Variants in IFT80 observed in about 807,000 individuals in gnomAD.
IFT80 encodes the protein intraflagellar transport 80.
In IFT80, 79 loss-of-function variants were observed where a neutral mutation model predicts 107.9. The observed-to-expected ratio is 0.73, with a 90% CI of 0.61 to 0.88. IFT80 has a LOEUF of 0.88. Ranked by LOEUF, IFT80 falls within the 40% of genes least tolerant of loss-of-function variation. The probability of loss-of-function intolerance (pLI) is 0.00; values close to 1 mark genes in which losing one functional copy is unlikely to be tolerated. For synonymous variants in IFT80, 299 were observed against 300.9 expected (o/e 0.99, Z 0.07); for missense variants, 797 against 914.2 (o/e 0.87, Z 1.65).
chr3:160,306,349 G>A (rs984087284), intron 10 of IFT80, among the ~76,000 whole-genome samples: 9 of 152,114 alleles, frequency 5.9e-5, no homozygotes, highest in Non-Finnish European at 1.0e-4. Flanking sequence ...GAATAATGGG[G>A]AAGTTATTAT....
intron 19 of IFT80, among the ~76,000 whole-genome samples, chr3:160,266,871 G>T (rs1311000084): frequency 6.6e-6 from 1 of 151,980 alleles, no homozygotes; most frequent in Non-Finnish European, 1.5e-5. Flanking sequence ...CCTGACCTTT[G>T]TGTCACAGTT....
intron 8 of IFT80, among the ~76,000 whole-genome samples, chr3:160,354,662 T>A (rs150280284): frequency 2.0e-5 from 3 of 150,782 alleles, no homozygotes; most frequent in African/African-American, 7.4e-5. Context: ...CAAAAATAAA[T>A]AAATAAATAA....
At chr3:160,306,726 G>T (rs78903237) in intron 10 of IFT80, among the ~76,000 whole-genome samples, 2 of 152,204 alleles carry the variant, frequency 1.3e-5, no homozygotes, top group African/African-American at 4.8e-5. Flanking sequence ...ATAATGAATG[G>T]GAATTTTTAA....
chr3:160,272,369 GA>G (rs1032965831), intron 18 of IFT80, among the ~76,000 whole-genome samples: 4 of 152,010 alleles, frequency 2.6e-5, no homozygotes, highest in East Asian at 1.9e-4. Context: ...AATATTTACA[GA>G]AAAAAATGAT....
At chr3:160,292,423 G>C (rs375978242) in intron 12 of IFT80, among the ~76,000 whole-genome samples, 1 of 151,670 alleles carries the variant, frequency 6.6e-6, no homozygotes, top group East Asian at 1.9e-4. Context: ...CATGAGTATG[G>C]ATTCATCAAG....
intron 6 of IFT80, among the ~76,000 whole-genome samples, chr3:160,360,938 C>T (rs746557176): frequency 4.6e-5 from 7 of 150,802 alleles, no homozygotes; most frequent in South Asian, 2.1e-4. Flanking sequence ...TGCTAGGAAG[C>T]ATCTATGGGC....
At position 160,280,798 on chromosome 3, in the gene IFT80, A is replaced by G; in HGVS notation, c.1533T>C (p.Thr511=). The G allele has an allele frequency of 6.2e-7, 1 of 1,613,188 alleles. No homozygotes were observed. Among genetic ancestry groups the G allele is most frequent in the Admixed American group, 1.7e-5 (1 of 59,954 alleles). ...QIIKLGTMVH[T]LAWNDTCNIL... ...TATTGCATGTATCGTTCCATGCCAA[A>G]GTATGCACCATTGTTCCTTAATTTA... is the stretch of plus-strand genomic sequence containing the variant. Residue 511 remains threonine (T), a synonymous_variant, in exon 15 of 20, where the codon ACT becomes ACC. Transcript: ENST00000326448.
At chr3:160,321,773 G>A (rs1718236075) in intron 8 of IFT80, among the ~76,000 whole-genome samples, 1 of 151,734 alleles carries the variant, frequency 6.6e-6, no homozygotes, top group Non-Finnish European at 1.5e-5. Flanking sequence ...AAGAGAAACT[G>A]TGAAAAAGGG....
chr3:160,371,227 C>G (rs1463653367), intron 5 of IFT80, among the ~76,000 whole-genome samples: 1 of 152,138 alleles, frequency 6.6e-6, no homozygotes. Flanking sequence ...AGCTTCTTAA[C>G]AGCTTCACTC....
intron 9 of IFT80, among the ~76,000 whole-genome samples, chr3:160,311,069 G>A (rs528718784): frequency 2.0e-5 from 3 of 152,148 alleles, no homozygotes; most frequent in Admixed American, 6.6e-5. Flanking sequence ...AGACTACTGT[G>A]AGCCATGACT....
intron 18 of IFT80, among the ~76,000 whole-genome samples, chr3:160,273,947 A>G (rs547960701): frequency 8.5e-5 from 13 of 152,236 alleles, no homozygotes; most frequent in Admixed American, 6.5e-4. Flanking sequence ...ATGGAGGAGC[A>G]CCCAGAATTC....
intron 12 of IFT80, among the ~76,000 whole-genome samples, chr3:160,294,795 T>C (rs1715848017): frequency 6.6e-6 from 1 of 152,170 alleles, no homozygotes; most frequent in African/African-American, 2.4e-5. Context: ...CCTAAACTCT[T>C]GAGGGAGGCT....
intron 5 of IFT80, among the ~76,000 whole-genome samples, chr3:160,371,800 T>C (rs1438755046): frequency 6.6e-6 from 1 of 152,240 alleles, no homozygotes; most frequent in East Asian, 1.9e-4. Flanking sequence ...GCAAGTTCCA[T>C]GTTTTGTTGT....
chr3:160,396,370 CTAAA>C (rs1713779460), intron 1 of IFT80, among the ~76,000 whole-genome samples: 2 of 151,980 alleles, frequency 1.3e-5, no homozygotes, highest in South Asian at 4.1e-4. Flanking sequence ...TCTAATTTAT[CTAAA>C]TATTTACAAT....
intron 9 of IFT80, among the ~76,000 whole-genome samples, chr3:160,313,636 G>T (rs1576794774): frequency 6.8e-6 from 1 of 146,400 alleles, no homozygotes; most frequent in Non-Finnish European, 1.5e-5. Context: ...TGAGACAAGA[G>T]TCTTGCTCTG....
chr3:160,268,206 G>C (rs1292060573), intron 19 of IFT80, among the ~76,000 whole-genome samples: 1 of 152,068 alleles, frequency 6.6e-6, no homozygotes, highest in Admixed American at 6.5e-5. Context: ...AGACAGACTT[G>C]AGTTAATCAA....
At chr3:160,301,340 T>C (rs1193860482) in intron 11 of IFT80, among the ~76,000 whole-genome samples, 1 of 151,952 alleles carries the variant, frequency 6.6e-6, no homozygotes, top group Non-Finnish European at 1.5e-5. Flanking sequence ...CCACAATTCA[T>C]TTCCTTTCCT....
At chr3:160,273,124 A>G (rs1251515626) in intron 18 of IFT80, among the ~76,000 whole-genome samples, 1 of 152,218 alleles carries the variant, frequency 6.6e-6, no homozygotes, top group East Asian at 1.9e-4. Context: ...AATACTCCAA[A>G]TTGTTTCAGA....
At chr3:160,394,420 G>A (rs555332597) in intron 1 of IFT80, 3 of 152,264 alleles carry the variant, frequency 2.0e-5, no homozygotes, top group Non-Finnish European at 2.9e-5. Flanking sequence ...CCCATGGATC[G>A]TGGGTTGGAC....
Sources: allele counts gnomAD v4.1 joint callset (sites outside exome capture counted in the v4.1 genomes callset), GRCh38; gene constraint gnomAD v4.1.1; transcripts MANE v1.5; gene names NCBI Gene and HGNC (gene_info 2026-07-23, HGNC 2026-07-21).